AP5B1: variants seen among roughly 807,000 people sequenced by gnomAD.
AP5B1 encodes the protein AP-5 complex subunit beta-1.
A neutral mutation model predicts 5.7 loss-of-function variants in AP5B1; 3 were observed. That is an observed-to-expected ratio of 0.53 (90% CI 0.24 to 1.36). The LOEUF is 1.36. Among genes scored for constraint, AP5B1 ranks in the 40% most tolerant of loss-of-function variants. The pLI is 0.17. For synonymous variants in AP5B1, 696 were observed against 555.5 expected, an observed-to-expected ratio of 1.25 and a Z score of -3.56; for missense variants, 1,310 against 1,143.2, an observed-to-expected ratio of 1.15 and a Z score of -2.10.
rs1163051657 is a variant in AP5B1, at chr11:65,780,443, T to G, written c.149A>C (p.Lys50Thr). The change falls in exon 1 of 2, where the codon AAG becomes ACG. Residue 50 changes from lysine to threonine, a missense_variant and splice_region_variant. By Grantham distance (78) the Lys-to-Thr change is moderately conservative (BLOSUM62 -1). Transcript: ENST00000532090. Reference protein sequence around the residue: ...LRSEKLSEQTKVSLLALSMEY... With the variant: ...LRSEKLSEQTTVSLLALSMEY... ...CGCAGGGGACGCGTGGGGGCCTACC[T>G]TGGTCTGTTCGCTCAGCTTCTCACT... 16 of 1,514,312 alleles carry G rather than the reference T, an allele frequency of 1.1e-5. No individual in the cohort carries two copies. In the East Asian group the frequency reaches 3.7e-4, roughly 35 times the overall value. 93.8% of individuals were successfully genotyped at this position (1,514,312 alleles called of 1,614,324 possible).
At position 65,775,309 on chromosome 11, in the gene AP5B1, T is replaced by C. The variant is rs972667114; in HGVS notation, c.*2547A>G. Among the ~76,000 whole-genome samples, 13 of 152,176 alleles carry C rather than the reference T, an allele frequency of 8.5e-5. No homozygotes were observed. Among genetic ancestry groups the C allele is most frequent in the Non-Finnish European group, 8.8e-5 (6 of 68,028 alleles). On this transcript the variant is annotated 3_prime_UTR_variant, in exon 2 of 2. Coordinates refer to ENST00000532090, the MANE Select transcript of AP5B1 (RefSeq NM_138368.5). Reference sequence around the variant, plus strand: ...AGATGGGTGAAAGGATGGTCAGTCCTTACATGGACCAGTTTCCTTATTCTT... The same window carrying C: ...AGATGGGTGAAAGGATGGTCAGTCCCTACATGGACCAGTTTCCTTATTCTT...
At position 65,778,583 on chromosome 11, in the gene AP5B1, G is replaced by C; in HGVS notation, c.1910C>G (p.Ala637Gly). The C allele has an allele frequency of 1.9e-6, 3 of 1,590,770 alleles. No individual in the cohort carries two copies. The highest frequency in any genetic ancestry group is 2.6e-6 in the Non-Finnish European group (3 of 1,170,418). The change falls in exon 2 of 2, where the codon GCA becomes GGA. Residue 637 changes from alanine (A) to glycine (G), a missense_variant. Ala to Gly is a moderately conservative substitution (Grantham distance 60, BLOSUM62 0). Coordinates refer to ENST00000532090, the MANE Select transcript of AP5B1 (RefSeq NM_138368.5). ...CACCAGTGAAGAGGCCAGTGCAGGTGCGGCAAGCGAGGGGCCCAGGGCCAC... is the reference window on the plus strand; with the variant it reads ...CACCAGTGAAGAGGCCAGTGCAGGTCCGGCAAGCGAGGGGCCCAGGGCCAC... ...LGVALGPSLA[A>G]PALASSLVAE...
In AP5B1 at chr11:65,775,554, A is replaced by G. The variant is rs1337085120; in HGVS notation, c.*2302T>C. 1.3e-5 allele frequency among the ~76,000 whole-genome samples: 2 copies of G among 152,160 alleles called. No homozygotes were observed. Among genetic ancestry groups the G allele is most frequent in the African/African-American group, 4.8e-5 (2 of 41,416 alleles). ...CGCTTCTGGCTTTGTGGGTGTCAGG[A>G]GGCAGGAGTGGCAGTCCCACCCCAT... On this transcript the variant is annotated 3_prime_UTR_variant, in exon 2 of 2. Coordinates refer to ENST00000532090, the MANE Select transcript of AP5B1 (RefSeq NM_138368.5).
Position 65,779,629 on chromosome 11 carries a change from C to A in AP5B1, c.864G>T (p.Gln288His). 6.2e-7 allele frequency: 1 copy of A among 1,609,302 alleles called. No individual in the cohort carries two copies. The highest frequency in any genetic ancestry group is 1.1e-5 in the South Asian group (1 of 90,792). The change falls in exon 2 of 2, where the codon CAG (glutamine) becomes CAT (histidine). Residue 288 changes from glutamine (Q) to histidine (H), a missense_variant. Transcript: ENST00000532090. ...SYLLTPVAQAQLLWLLGWALR... is the reference protein window; with the variant it reads ...SYLLTPVAQAHLLWLLGWALR... Reference sequence around the variant, plus strand: ...GGGCCCAGCCCAGCAGCCACAGGAGCTGGGCCTGGGCCACAGGAGTGAGCA... The same window carrying A: ...GGGCCCAGCCCAGCAGCCACAGGAGATGGGCCTGGGCCACAGGAGTGAGCA...
chr11:65,779,211 C>T lies in AP5B1; in HGVS notation c.1282G>A (p.Glu428Lys), dbSNP rs749879026. ...CTTGGAAGCTGGCCTTTCTCCTCTTCTTCCTCCTCGGCACAGAGCAGGCAC... is the reference window on the plus strand; with the variant it reads ...CTTGGAAGCTGGCCTTTCTCCTCTTTTTCCTCCTCGGCACAGAGCAGGCAC... ...LLCLLCAEEE[E>K]EEKGQLPSPR... Residue 428 changes from glutamate (E) to lysine (K), a missense_variant, in exon 2 of 2, where the codon GAA becomes AAA. Transcript: ENST00000532090. 2 of 1,605,220 alleles carry T rather than the reference C, an allele frequency of 1.2e-6. No individual in the cohort carries two copies. The highest frequency in any genetic ancestry group is 1.1e-5 in the South Asian group (1 of 90,070).
rs544596955 is a variant in AP5B1, at chr11:65,777,879, G to A, written c.2614C>T (p.Arg872Cys). Reference sequence around the variant, plus strand: ...GCTCAGACAGCAGCCGCCAGCCCACGGAGGTAGTCCCCCGCCAGGGGCAGC... The same window carrying A: ...GCTCAGACAGCAGCCGCCAGCCCACAGAGGTAGTCCCCCGCCAGGGGCAGC... ...AVLPLAGDYL[R>C]GLAAAV The change falls in exon 2 of 2, where the codon CGT (arginine) becomes TGT (cysteine). Residue 872 changes from arginine to cysteine, a missense_variant. Transcript: ENST00000532090. 1.7e-4 allele frequency: 258 copies of A among 1,537,396 alleles called. 2 individuals carry two copies. The African/African-American group carries it at 3.1e-3, about 19-fold the overall frequency.
Position 65,778,411 on chromosome 11 carries a change from C to G in AP5B1, c.2082G>C (p.Glu694Asp), listed in dbSNP as rs772251161. The G allele has an allele frequency of 1.3e-5, 20 of 1,588,820 alleles. No homozygotes were observed. In the Admixed American group the frequency reaches 3.6e-4, roughly 29 times the overall value. The change falls in exon 2 of 2, where the codon GAG becomes GAC. Residue 694 changes from glutamate (E) to aspartate (D), a missense_variant. Glu to Asp is a conservative substitution (Grantham distance 45). Coordinates refer to ENST00000532090, the MANE Select transcript of AP5B1 (RefSeq NM_138368.5). ...PEALEPIYSL[E>D]LRFRVEGQLY... ...GCTGTCCTTCCACACGGAAGCGCAG[C>G]TCCAGAGAGTAGATGGGCTCCAGCG...
rs774216279 is a variant in AP5B1, at chr11:65,779,253, C to T, written c.1240G>A (p.Ala414Thr). ...AGCAGGCACAGTAAATGCAGGCGGG[C>T]CAGGAGGGCCATTGGGTCATGCAGG... ...SLLHDPMALL[A>T]RLHLLCLLCA... The change falls in exon 2 of 2, where the codon GCC becomes ACC. Residue 414 changes from alanine to threonine, a missense_variant. Coordinates refer to ENST00000532090, the MANE Select transcript of AP5B1 (RefSeq NM_138368.5). The T allele has an allele frequency of 7.5e-6, 12 of 1,593,190 alleles. No homozygotes were observed. Among genetic ancestry groups the T allele is most frequent in the African/African-American group, 4.0e-5 (3 of 74,514 alleles).
Position 65,776,508 on chromosome 11 carries a change from T to A in AP5B1, c.*1348A>T, listed in dbSNP as rs1368504088. On this transcript the variant is annotated 3_prime_UTR_variant, in exon 2 of 2. Coordinates refer to ENST00000532090, the MANE Select transcript of AP5B1 (RefSeq NM_138368.5). ...AGGATGAAATGAGGCAACGTACATG[T>A]GCCTGGCAGCACAGCTGACCCCACA... The A allele has an allele frequency of 6.6e-6, 1 of 152,174 alleles. No homozygotes were observed. The highest frequency in any genetic ancestry group is 6.5e-5 in the Admixed American group (1 of 15,272). The allele number at this position is 152,174 out of a possible 1,614,324, so 9.4% of individuals were successfully genotyped here.
rs531361569 is a variant in AP5B1 at position 65,777,735 on chromosome 11, C to A, written c.*121G>T. The A allele has an allele frequency of 1.4e-5, 17 of 1,229,536 alleles. No homozygotes were observed. The East Asian group carries it at 3.6e-4, about 26-fold the overall frequency. The allele number at this position is 1,229,536 out of a possible 1,614,324, so 76.2% of individuals were successfully genotyped here. ...CCCAGGAGCCTGCTCCCAACCGGGG[C>A]CCAAAAGAAAACAAGCCAGCGAGGG... On this transcript the variant is annotated 3_prime_UTR_variant, in exon 2 of 2. Coordinates refer to ENST00000532090, the MANE Select transcript of AP5B1 (RefSeq NM_138368.5).
rs1453760781 is a variant in AP5B1, at chr11:65,780,505, C to T, written c.87G>A (p.Gly29=). The T allele has an allele frequency of 2.0e-6, 3 of 1,519,844 alleles. No individual in the cohort carries two copies. The highest frequency in any genetic ancestry group is 2.6e-6 in the Non-Finnish European group (3 of 1,140,542). The allele number at this position is 1,519,844 out of a possible 1,614,324, so 94.1% of individuals were successfully genotyped here. The part of the protein sequence containing the change: ...SPSAFMAGPE[G]EDLGRDLLSD... Reference sequence around the variant, plus strand: ...TCAGCAGGTCGCGACCCAAATCCTCCCCCTCGGGACCTGCCATGAAGGCAG... The same window carrying T: ...TCAGCAGGTCGCGACCCAAATCCTCTCCCTCGGGACCTGCCATGAAGGCAG... The change falls in exon 1 of 2, where the codon GGG becomes GGA. Residue 29 remains glycine (G), a synonymous_variant. Coordinates refer to ENST00000532090, the MANE Select transcript of AP5B1 (RefSeq NM_138368.5).
Position 65,777,166 on chromosome 11 carries a change from A to G in AP5B1, c.*690T>C, listed in dbSNP as rs1320204293. 1 of 152,124 alleles carries G rather than the reference A, an allele frequency of 6.6e-6. No individual in the cohort carries two copies. Among genetic ancestry groups the G allele is most frequent in the Non-Finnish European group, 1.5e-5 (1 of 68,060 alleles). The allele number at this position is 152,124 out of a possible 1,614,324, so 9.4% of individuals were successfully genotyped here. The stretch of plus-strand genomic sequence containing the variant: ...GTACTGTCCAACAGGTCAGGTCCAC[A>G]CTCTAGCTTCAGCCTTCTTCCTAAA... On this transcript the variant is annotated 3_prime_UTR_variant, in exon 2 of 2. Transcript: ENST00000532090.
chr11:65,773,925 G>C lies in AP5B1; in HGVS notation c.*3931C>G, dbSNP rs1857735932. ...CAGTTAGAACATAGTTTATTCATAA[G>C]TTGGGGGCAGGGGAGGCGGGGCATG... On this transcript the variant is annotated 3_prime_UTR_variant, in exon 2 of 2. Transcript: ENST00000532090. Among the ~76,000 whole-genome samples the C allele has an allele frequency of 6.6e-6, 1 of 152,156 alleles. No homozygotes were observed. Among genetic ancestry groups the C allele is most frequent in the Admixed American group, 6.5e-5 (1 of 15,274 alleles).
At position 65,778,325 on chromosome 11, in the gene AP5B1, G is replaced by A. The variant is rs372875159; in HGVS notation, c.2168C>T (p.Pro723Leu). 7 of 1,612,188 alleles carry A rather than the reference G, an allele frequency of 4.3e-6. No homozygotes were observed. The highest frequency in any genetic ancestry group is 2.7e-5 in the African/African-American group (2 of 74,934). The change falls in exon 2 of 2, where the codon CCT becomes CTT. Residue 723 changes from proline (P) to leucine (L), a missense_variant. Coordinates refer to ENST00000532090, the MANE Select transcript of AP5B1 (RefSeq NM_138368.5). ...PCLCPGRPAR[P>L]LLLPLQPRCP... ...TCGGGGCTGCAGAGGCAGGAGCAGA[G>A]GGCGGGCAGGGCGGCCAGGACACAG...
At position 65,779,448 on chromosome 11, in the gene AP5B1, G is replaced by C. The variant is rs545486329; in HGVS notation, c.1045C>G (p.Arg349Gly). 1 of 1,606,738 alleles carries C rather than the reference G, an allele frequency of 6.2e-7. No homozygotes were observed. The highest frequency in any genetic ancestry group is 1.1e-5 in the South Asian group (1 of 90,244). ...FTAQDEALLL[R>G]RLTLAAQHPA... ...TGCTGGGCAGCCAAGGTGAGCCGGC[G>C]GAGCAGCAACGCTTCATCCTGGGCT... Residue 349 changes from arginine (R) to glycine (G), a missense_variant, in exon 2 of 2, where the codon CGC becomes GGC. Physicochemically the swap from Arg to Gly is moderately radical, Grantham distance 125 (BLOSUM62 -2). Transcript: ENST00000532090.
chr11:65,779,602 C>G lies in AP5B1; in HGVS notation c.891G>C (p.Leu297=). The change falls in exon 2 of 2, where the codon CTG becomes CTC. Residue 297 remains leucine (L), a synonymous_variant. Coordinates refer to ENST00000532090, the MANE Select transcript of AP5B1 (RefSeq NM_138368.5). The part of the protein sequence containing the change: ...AQLLWLLGWA[L]RGLQGQPPAL... ...CCGGTGGCTGTCCCTGCAGACCCCG[C>G]AGGGCCCAGCCCAGCAGCCACAGGA... 6.2e-7 allele frequency: 1 copy of G among 1,606,440 alleles called. No individual in the cohort carries two copies. Among genetic ancestry groups the G allele is most frequent in the Non-Finnish European group, 8.5e-7 (1 of 1,176,910 alleles).
Position 65,780,213 on chromosome 11 carries a change from G to A in AP5B1, c.280C>T (p.Arg94Trp). The change falls in exon 2 of 2, where the codon CGG (arginine) becomes TGG (tryptophan). Residue 94 changes from arginine (R) to tryptophan (W), a missense_variant. Arg to Trp is a moderately radical substitution (Grantham distance 101, BLOSUM62 -3). Coordinates refer to ENST00000532090, the MANE Select transcript of AP5B1 (RefSeq NM_138368.5). The part of the protein sequence containing the change: ...LLPPRPSALR[R>W]PLLLAATTAL... Reference sequence around the variant, plus strand: ...GTGGTGGCCGCCAGCAGCAGTGGCCGACGGAGAGCTGAGGGCCGCGGGGGT... The same window carrying A: ...GTGGTGGCCGCCAGCAGCAGTGGCCAACGGAGAGCTGAGGGCCGCGGGGGT... 2 of 1,505,524 alleles carry A rather than the reference G, an allele frequency of 1.3e-6. No homozygotes were observed. Among genetic ancestry groups the A allele is most frequent in the Non-Finnish European group, 8.8e-7 (1 of 1,130,210 alleles). 93.3% of individuals were successfully genotyped at this position (1,505,524 alleles called of 1,614,324 possible). A position where few individuals can be genotyped will look rare whatever the true frequency, so the allele number is the denominator to read the frequency against.
At position 65,776,910 on chromosome 11, in the gene AP5B1, T is replaced by C. The variant is rs991375496; in HGVS notation, c.*946A>G. On this transcript the variant is annotated 3_prime_UTR_variant, in exon 2 of 2. Coordinates refer to ENST00000532090, the MANE Select transcript of AP5B1 (RefSeq NM_138368.5). ...TGGTGAGGCTGAGGCAGAAGAGTCA[T>C]TTAAGCCCAGGAGTTCGAGACCAGC... The C allele has an allele frequency of 2.6e-5, 4 of 152,048 alleles. No homozygotes were observed. The highest frequency in any genetic ancestry group is 7.3e-5 in the African/African-American group (3 of 41,358). The allele number at this position is 152,048 out of a possible 1,614,324, so 9.4% of individuals were successfully genotyped here. A position where few individuals can be genotyped will look rare whatever the true frequency, so the allele number is the denominator to read the frequency against.
At position 65,778,556 on chromosome 11, in the gene AP5B1, G is replaced by T; in HGVS notation, c.1937C>A (p.Ala646Asp). 1 of 1,582,954 alleles carries T rather than the reference G, an allele frequency of 6.3e-7. No homozygotes were observed. The highest frequency in any genetic ancestry group is 8.6e-7 in the Non-Finnish European group (1 of 1,166,714). Residue 646 changes from alanine to aspartate, a missense_variant, in exon 2 of 2, where the codon GCC becomes GAC. Ala to Asp is a moderately radical substitution (Grantham distance 126). Coordinates refer to ENST00000532090, the MANE Select transcript of AP5B1 (RefSeq NM_138368.5). ...AAPALASSLVAENQGFVAALM... is the reference protein window; with the variant it reads ...AAPALASSLVDENQGFVAALM... ...TGCTGCCACAAAGCCCTGGTTCTCG[G>T]CCACCAGTGAAGAGGCCAGTGCAGG... is the stretch of plus-strand genomic sequence containing the variant.
Sources: allele counts gnomAD v4.1 joint callset (sites outside exome capture counted in the v4.1 genomes callset), GRCh38; gene constraint gnomAD v4.1.1; transcripts MANE v1.5; gene names NCBI Gene and HGNC (gene_info 2026-07-23, HGNC 2026-07-21).